The following NKAIN1 variants were observed in gnomAD, a reference collection of about 807,000 sequenced individuals.
The protein encoded by NKAIN1 is sodium/potassium transporting ATPase interacting 1, also known as sodium/potassium-transporting ATPase subunit beta-1-interacting protein 1.
A neutral mutation model predicts 31.6 loss-of-function variants in NKAIN1; 13 were observed. The ratio of observed to expected loss-of-function variants is 0.41; its 90% confidence interval spans 0.27 to 0.65. NKAIN1 has a LOEUF of 0.65. NKAIN1 is among the 30% of genes least tolerant of loss of function. The pLI is 0.30. For missense variants in NKAIN1, 193 were observed against 262.2 expected (o/e 0.74, Z 1.82); for synonymous variants, 104 against 109.0 (o/e 0.95, Z 0.28).
At chr1:31,203,191 G>A (rs1051399800) in intron 1 of NKAIN1, among the ~76,000 whole-genome samples, 1 of 151,824 alleles carries the variant, frequency 6.6e-6, no homozygotes, top group Non-Finnish European at 1.5e-5. Flanking sequence ...CTTGCACCCG[G>A]GAGGCAGAGG....
At chr1:31,210,751 A>C (rs943746874) in intron 1 of NKAIN1, among the ~76,000 whole-genome samples, 2 of 152,228 alleles carry the variant, frequency 1.3e-5, no homozygotes, top group African/African-American at 4.8e-5. Flanking sequence ...GGGGTGAGTA[A>C]GGAGAAAGGG....
chr1:31,213,867 A>T (rs1645489216), intron 1 of NKAIN1, among the ~76,000 whole-genome samples: 1 of 151,876 alleles, frequency 6.6e-6, no homozygotes, highest in African/African-American at 2.4e-5. Flanking sequence ...AGTGGTGCAC[A>T]CCTGTAGTCC....
At chr1:31,237,656 C>T (rs1645702222) in intron 1 of NKAIN1, among the ~76,000 whole-genome samples, 2 of 151,968 alleles carry the variant, frequency 1.3e-5, no homozygotes, top group African/African-American at 4.8e-5. Flanking sequence ...CGTGCCACCA[C>T]CCCTAATTTT....
At chr1:31,185,888 G>A (rs919559043) in intron 2 of NKAIN1, among the ~76,000 whole-genome samples, 1 of 152,110 alleles carries the variant, frequency 6.6e-6, no homozygotes, top group African/African-American at 2.4e-5. Context: ...GCTCACCACT[G>A]CAATGCCAAT....
At position 31,228,035 on chromosome 1, in the gene NKAIN1, C is replaced by T. The variant is rs140286926; in HGVS notation, c.54+11459G>A. On this transcript the variant is annotated intron_variant, in intron 1 of 6. Coordinates refer to ENST00000373736, the MANE Select transcript of NKAIN1 (RefSeq NM_024522.3). ...ATTTGTCAGCTTTGCATGGTGGTGG[C>T]GGGCTTGTCTCCATGGCAACAGTGC... Among the ~76,000 whole-genome samples, 225 of 152,282 alleles carry T rather than the reference C, an allele frequency of 1.5e-3. 1 individual carries two copies. The highest frequency in any genetic ancestry group is 5.1e-3 in the African/African-American group (212 of 41,550).
chr1:31,219,581 G>C (rs1048160799), intron 1 of NKAIN1, among the ~76,000 whole-genome samples: 1 of 152,234 alleles, frequency 6.6e-6, no homozygotes, highest in African/African-American at 2.4e-5. Context: ...CATGGCCAGA[G>C]GAGGGCCACA....
At chr1:31,206,159 C>T (rs879283952) in intron 1 of NKAIN1, among the ~76,000 whole-genome samples, 1 of 150,356 alleles carries the variant, frequency 6.7e-6, no homozygotes, top group Admixed American at 6.6e-5. Flanking sequence ...CGCTTGAACC[C>T]GGGATGAGGA....
In NKAIN1 at chr1:31,233,122, G is replaced by C. The variant is rs1047295703; in HGVS notation, c.54+6372C>G. Among the ~76,000 whole-genome samples the C allele has an allele frequency of 4.1e-4, 62 of 152,122 alleles. No homozygotes were observed. Among genetic ancestry groups the C allele is most frequent in the African/African-American group, 1.5e-3 (61 of 41,430 alleles). ...CACCACCACGCTCGGCTAATTTTTTGTATTTTTAGTAGAGATGCGGTTTCA... is the reference window on the plus strand; with the variant it reads ...CACCACCACGCTCGGCTAATTTTTTCTATTTTTAGTAGAGATGCGGTTTCA... On this transcript the variant is annotated intron_variant, in intron 1 of 6. Transcript: ENST00000373736. This position sits in a 1 kb window ranked among gnomAD's most constrained non-coding sequence, Gnocchi z 4.0.
intron 1 of NKAIN1, among the ~76,000 whole-genome samples, chr1:31,197,429 G>C (rs1276071480): frequency 1.3e-5 from 2 of 151,794 alleles, no homozygotes; most frequent in African/African-American, 4.8e-5. Context: ...TGTATTTTTA[G>C]TAGAGATGGG....
At chr1:31,189,118 G>A (rs1328511039) in intron 1 of NKAIN1, among the ~76,000 whole-genome samples, 2 of 151,982 alleles carry the variant, frequency 1.3e-5, no homozygotes, top group African/African-American at 4.8e-5. Flanking sequence ...ACCTGCTGGA[G>A]GATGAGAAGC....
At chr1:31,215,914 A>G (rs1645508418) in intron 1 of NKAIN1, among the ~76,000 whole-genome samples, 1 of 152,056 alleles carries the variant, frequency 6.6e-6, no homozygotes, top group South Asian at 2.1e-4. Context: ...TTTGTGCCCC[A>G]TGTCATTCAG....
intron 2 of NKAIN1, among the ~76,000 whole-genome samples, chr1:31,186,016 T>G (rs1645239093): frequency 6.7e-6 from 1 of 148,304 alleles, no homozygotes; most frequent in Non-Finnish European, 1.5e-5. Flanking sequence ...TCATTTGAGC[T>G]CAGGAGTTCA....
chr1:31,237,125 C>A (rs141609085), intron 1 of NKAIN1, among the ~76,000 whole-genome samples: 1 of 152,176 alleles, frequency 6.6e-6, no homozygotes, highest in Non-Finnish European at 1.5e-5. Context: ...GTGGTGTGCC[C>A]CCGTAGTCCC....
At chr1:31,188,611 G>T (rs564305673) in intron 1 of NKAIN1, among the ~76,000 whole-genome samples, 1 of 152,256 alleles carries the variant, frequency 6.6e-6, no homozygotes, top group African/African-American at 2.4e-5. Flanking sequence ...CTACAGAGAA[G>T]GAATGCTTTT....
intron 1 of NKAIN1, among the ~76,000 whole-genome samples, chr1:31,191,483 C>T (rs907297977): frequency 2.7e-5 from 4 of 147,190 alleles, no homozygotes; most frequent in Non-Finnish European, 4.5e-5. Context: ...TGCTGTGTGA[C>T]TTAGGGCAAG....
intron 3 of NKAIN1, among the ~76,000 whole-genome samples, chr1:31,184,522 C>T (rs1645227820): frequency 6.6e-6 from 1 of 152,094 alleles, no homozygotes; most frequent in Admixed American, 6.6e-5. Flanking sequence ...AGATGTGTGA[C>T]CTTATTTTAT....
In NKAIN1 at chr1:31,180,733, G is replaced by A. The variant is rs1645191170; in HGVS notation, c.*970C>T. ...GAGTTGGGGCCCCACTTTCCTGGAGGAGAGAGCTTGAAAGATTTGCCAAGG... is the reference window on the plus strand; with the variant it reads ...GAGTTGGGGCCCCACTTTCCTGGAGAAGAGAGCTTGAAAGATTTGCCAAGG... On this transcript the variant is annotated 3_prime_UTR_variant, in exon 7 of 7. Coordinates refer to ENST00000373736, the MANE Select transcript of NKAIN1 (RefSeq NM_024522.3). The A allele has an allele frequency of 6.6e-6, 1 of 152,518 alleles. No individual in the cohort carries two copies. The highest frequency in any genetic ancestry group is 2.4e-5 in the African/African-American group (1 of 41,438). The allele number at this position is 152,518 out of a possible 1,614,324, so 9.4% of individuals were successfully genotyped here.
intron 1 of NKAIN1, among the ~76,000 whole-genome samples, chr1:31,209,005 G>A (rs1437376110): frequency 1.3e-5 from 2 of 152,222 alleles, no homozygotes; most frequent in Non-Finnish European, 2.9e-5. Flanking sequence ...GAGCCATCAA[G>A]CTCTCCCTTC....
intron 1 of NKAIN1, among the ~76,000 whole-genome samples, chr1:31,209,192 C>CAT (rs1645447742): frequency 6.6e-6 from 1 of 151,474 alleles, no homozygotes; most frequent in African/African-American, 2.4e-5. Context: ...CTGACCAACA[C>CAT]GGTGAAACCT....
Sources: allele counts gnomAD v4.1 joint callset (sites outside exome capture counted in the v4.1 genomes callset), GRCh38; gene constraint gnomAD v4.1.1; non-coding constraint Gnocchi (gnomAD v3.1); transcripts MANE v1.5; gene names NCBI Gene and HGNC (gene_info 2026-07-23, HGNC 2026-07-21).